The following KIF6 variants were observed in gnomAD, a reference collection of about 807,000 sequenced individuals.
KIF6 encodes kinesin-like protein KIF6.
A neutral mutation model predicts 112.7 loss-of-function variants in KIF6; 106 were observed. That is an observed-to-expected ratio of 0.94 (90% CI 0.80 to 1.11). The LOEUF is 1.11. KIF6 is among the 50% of genes least tolerant of loss of function. The probability of loss-of-function intolerance (pLI) is 0.00; values close to 1 mark genes in which losing one functional copy is unlikely to be tolerated. For synonymous variants in KIF6, 339 were observed against 339.9 expected (o/e 1.00, Z 0.03); for missense variants, 929 against 964.0 (o/e 0.96, Z 0.48).
At chr6:39,691,863 C>G (rs1368011769) in intron 3 of KIF6, 1 of 152,126 alleles carries the variant, frequency 6.6e-6, no homozygotes, top group African/African-American at 2.4e-5. Flanking sequence ...TCCTGTAGGA[C>G]TGAGATAGAA....
intron 3 of KIF6, among the ~76,000 whole-genome samples, chr6:39,711,266 C>A (rs1789537240): frequency 1.9e-5 from 2 of 107,828 alleles, no homozygotes; most frequent in African/African-American, 3.4e-5. Context: ...ATCCTAAAAA[C>A]ACCTGGAAAG....
intron 20 of KIF6, among the ~76,000 whole-genome samples, chr6:39,346,193 G>C (rs1399638368): frequency 1.4e-5 from 2 of 144,654 alleles, no homozygotes; most frequent in Non-Finnish European, 3.0e-5. Flanking sequence ...CAATAAGAAG[G>C]AGGTGCCAGC....
At chr6:39,693,948 T>G (rs1390417876) in intron 3 of KIF6, among the ~76,000 whole-genome samples, 1 of 151,950 alleles carries the variant, frequency 6.6e-6, no homozygotes, top group Admixed American at 6.6e-5. Flanking sequence ...AATCCAGCAG[T>G]ACATCTAAAA....
chr6:39,530,429 C>T (rs1777985333), intron 13 of KIF6, among the ~76,000 whole-genome samples: 1 of 152,170 alleles, frequency 6.6e-6, no homozygotes, highest in Non-Finnish European at 1.5e-5. Context: ...CCTTAAAATG[C>T]CTCCTATTTT....
At chr6:39,539,707 C>T (rs1778675141) in intron 13 of KIF6, among the ~76,000 whole-genome samples, 1 of 152,118 alleles carries the variant, frequency 6.6e-6, no homozygotes. Flanking sequence ...AACGCTGCCT[C>T]GTCATCATAT....
intron 22 of KIF6, among the ~76,000 whole-genome samples, chr6:39,337,548 AGT>A (rs1763102830): frequency 6.6e-6 from 1 of 151,484 alleles, no homozygotes; most frequent in Non-Finnish European, 1.5e-5. Context: ...CCTGAGCTTA[AGT>A]GATCCTTCAC....
intron 13 of KIF6, among the ~76,000 whole-genome samples, chr6:39,495,783 G>C (rs1482164052): frequency 6.6e-6 from 1 of 152,172 alleles, no homozygotes. Context: ...CTCTCACTGA[G>C]TTTCTGCCAG....
At chr6:39,533,904 G>A (rs1778239995) in intron 13 of KIF6, among the ~76,000 whole-genome samples, 1 of 152,204 alleles carries the variant, frequency 6.6e-6, no homozygotes, top group African/African-American at 2.4e-5. Context: ...TGCGGTTCAT[G>A]AAAATCTGCT....
At chr6:39,642,065 T>C (rs912088982) in intron 3 of KIF6, among the ~76,000 whole-genome samples, 5 of 152,128 alleles carry the variant, frequency 3.3e-5, no homozygotes, top group Non-Finnish European at 7.4e-5. Context: ...TCCAACTCAG[T>C]CTTGTAACCA....
At chr6:39,573,847 T>C (rs1233039689) in intron 10 of KIF6, among the ~76,000 whole-genome samples, 1 of 152,236 alleles carries the variant, frequency 6.6e-6, no homozygotes, top group Non-Finnish European at 1.5e-5. Flanking sequence ...CACTAAATTA[T>C]GAGTTTCTTG....
intron 10 of KIF6, among the ~76,000 whole-genome samples, chr6:39,551,990 T>C (rs781028442): frequency 5.3e-5 from 8 of 152,226 alleles, no homozygotes; most frequent in African/African-American, 1.7e-4. Context: ...TTTGAAAATA[T>C]AGAATTTTCG....
intron 3 of KIF6, among the ~76,000 whole-genome samples, chr6:39,693,483 G>A (rs1788343245): frequency 6.6e-6 from 1 of 152,166 alleles, no homozygotes; most frequent in Non-Finnish European, 1.5e-5. Flanking sequence ...TCTATGTGGT[G>A]TGTGTAACTG....
At chr6:39,621,822 T>G (rs1364892275) in intron 5 of KIF6, among the ~76,000 whole-genome samples, 2 of 152,298 alleles carry the variant, frequency 1.3e-5, no homozygotes, top group East Asian at 3.9e-4. Flanking sequence ...GCTAATATTT[T>G]AGGTTAAAAT....
chr6:39,351,110 T>G (rs1581645173), intron 19 of KIF6, among the ~76,000 whole-genome samples: 2 of 151,570 alleles, frequency 1.3e-5, no homozygotes, highest in East Asian at 3.9e-4. Flanking sequence ...GGGAGCAGGA[T>G]TTTTGGAAAA....
At chr6:39,434,588 AAAAAC>A (rs546648708) in intron 13 of KIF6, among the ~76,000 whole-genome samples, 19 of 151,046 alleles carry the variant, frequency 1.3e-4, no homozygotes, top group Admixed American at 6.0e-4. Context: ...AACAAAACAA[AAAAAC>A]AAAACAAAAC....
intron 13 of KIF6, among the ~76,000 whole-genome samples, chr6:39,446,328 A>C (rs1772311776): frequency 6.6e-6 from 1 of 152,074 alleles, no homozygotes; most frequent in Non-Finnish European, 1.5e-5. Flanking sequence ...TTTCCATGAT[A>C]TCTCACCTCT....
chr6:39,608,566 T>C (rs1296084774), intron 6 of KIF6, among the ~76,000 whole-genome samples: 1 of 152,206 alleles, frequency 6.6e-6, no homozygotes, highest in African/African-American at 2.4e-5. Flanking sequence ...GGGGAGTGTC[T>C]GTATGTCTTT....
At chr6:39,542,920 T>C (rs982805081) in intron 12 of KIF6, among the ~76,000 whole-genome samples, 2 of 152,184 alleles carry the variant, frequency 1.3e-5, no homozygotes, top group Non-Finnish European at 2.9e-5. Context: ...CCATACACCA[T>C]CATTTTGAAT....
intron 13 of KIF6, among the ~76,000 whole-genome samples, chr6:39,461,535 A>C (rs1773474299): frequency 1.3e-5 from 2 of 152,064 alleles, no homozygotes; most frequent in Non-Finnish European, 2.9e-5. Context: ...AGAAAAGGTG[A>C]AATTAATTTT....
Sources: gnomAD v4.1 joint callset for allele counts (sites outside exome capture counted in the v4.1 genomes callset) on GRCh38, gnomAD v4.1.1 for gene constraint, MANE v1.5 for transcripts, NCBI Gene and HGNC (gene_info 2026-07-23, HGNC 2026-07-21) for gene names.